Variants in KLHL29 observed in about 807,000 individuals in gnomAD.
KLHL29 encodes kelch like family member 29.
KLHL29 carries 21 observed loss-of-function variants against 80.4 expected under a neutral mutation model. The observed-to-expected ratio is 0.26, with a 90% CI of 0.19 to 0.38. The LOEUF (loss-of-function observed/expected upper bound fraction) is 0.38, where lower values mean the gene tolerates loss of function less well. Among genes scored for constraint, KLHL29 ranks in the 10% least tolerant of loss-of-function variants. KLHL29 has a pLI of 1.00. For synonymous variants in KLHL29, 511 were observed against 526.8 expected, an observed-to-expected ratio of 0.97 and a Z score of 0.41; for missense variants, 867 against 1,223.9, an observed-to-expected ratio of 0.71 and a Z score of 4.35.
intron 1 of KLHL29, among the ~76,000 whole-genome samples, chr2:23,391,963 G>A (rs534819750): frequency 6.6e-6 from 1 of 152,304 alleles, no homozygotes; most frequent in East Asian, 1.9e-4. Flanking sequence ...TAGAAACATG[G>A]GCTTCCTGTC....
intron 2 of KLHL29, among the ~76,000 whole-genome samples, chr2:23,523,569 A>AT (rs1258556552): frequency 3.3e-5 from 5 of 152,024 alleles, no homozygotes; most frequent in African/African-American, 1.2e-4. Flanking sequence ...TCTGATTTGG[A>AT]TTTTTTTCCT....
intron 2 of KLHL29, among the ~76,000 whole-genome samples, chr2:23,505,906 C>T (rs1233649935): frequency 1.3e-5 from 2 of 152,148 alleles, no homozygotes; most frequent in African/African-American, 2.4e-5. Context: ...AACCAAAGGG[C>T]GTTGGGGGTC....
At chr2:23,621,015 C>T (rs749271102) in intron 3 of KLHL29, among the ~76,000 whole-genome samples, 18 of 152,246 alleles carry the variant, frequency 1.2e-4, no homozygotes, top group Non-Finnish European at 2.1e-4. Flanking sequence ...AGGTCTTTCT[C>T]ATTGCTCAGG....
chr2:23,403,726 AGTGTGTGT>A lies in KLHL29; in HGVS notation c.-154+17978_-154+17985del, dbSNP rs36116395. Among the ~76,000 whole-genome samples, 38 of 144,118 alleles carry A rather than the reference AGTGTGTGT, an allele frequency of 2.6e-4. 1 individual carries two copies. Among genetic ancestry groups the A allele is most frequent in the African/African-American group, 7.7e-4 (29 of 37,716 alleles). The allele number at this position is 144,118 out of a possible 152,430, so 94.5% of individuals were successfully genotyped here. A position where few individuals can be genotyped will look rare whatever the true frequency, so the allele number is the denominator to read the frequency against. On this transcript the variant is annotated intron_variant, in intron 1 of 13. Coordinates refer to ENST00000486442, the MANE Select transcript of KLHL29 (RefSeq NM_052920.2). The stretch of plus-strand genomic sequence containing the variant: ...ATGAAACCCAAAGAGAGAGAGAGAG[AGTGTGTGT>A]GTGTGTGTGTGTGTGTGTGTGTGTG...
At chr2:23,703,444 G>A in intron 12 of KLHL29, 65 bp downstream of exon 12, 1 of 1,339,976 alleles carries the variant, frequency 7.5e-7, no homozygotes, top group Non-Finnish European at 9.9e-7. Context: ...GATTTGTTCA[G>A]TATCCCATGC....
intron 5 of KLHL29, among the ~76,000 whole-genome samples, chr2:23,677,588 G>A (rs954294384): frequency 6.6e-6 from 1 of 152,196 alleles, no homozygotes; most frequent in Non-Finnish European, 1.5e-5. Context: ...TTGGCCTTCA[G>A]GGTTTATTCT....
At chr2:23,555,251 G>A (rs971242684) in intron 2 of KLHL29, among the ~76,000 whole-genome samples, 2 of 152,170 alleles carry the variant, frequency 1.3e-5, no homozygotes, top group African/African-American at 2.4e-5. Context: ...ACACTGCTTC[G>A]GATTTGACTG....
chr2:23,469,149 T>C (rs1664429547), intron 1 of KLHL29, among the ~76,000 whole-genome samples: 1 of 152,212 alleles, frequency 6.6e-6, no homozygotes, highest in African/African-American at 2.4e-5. Context: ...AGGAAAGCTG[T>C]GTCCACACTG....
At position 23,639,250 on chromosome 2, in the gene KLHL29, T is replaced by C; in HGVS notation, c.397T>C (p.Ser133Pro). ...ACCCTGGGACACTGATGAGCCACCC[T>C]CCAAACAGATGAGAGAGAGTGACAA... ...STPWDTDEPP[S>P]KQMRESDNPG... The change falls in exon 4 of 14, where the codon TCC (serine) becomes CCC (proline). Residue 133 changes from serine to proline, a missense_variant. Physicochemically the swap from Ser to Pro is moderately conservative, Grantham distance 74 (BLOSUM62 -1). This residue lies in a region of KLHL29 where 424 missense variants were observed against 456.9 expected (regional missense o/e 0.93). Transcript: ENST00000486442. 1.3e-6 allele frequency: 2 copies of C among 1,548,392 alleles called. No homozygotes were observed. Among genetic ancestry groups the C allele is most frequent in the Non-Finnish European group, 1.7e-6 (2 of 1,145,602 alleles).
chr2:23,593,623 G>C (rs968314236), intron 3 of KLHL29, among the ~76,000 whole-genome samples: 1 of 152,198 alleles, frequency 6.6e-6, no homozygotes, highest in Non-Finnish European at 1.5e-5. Flanking sequence ...AAGGACGTCA[G>C]ACCCCTCGGG....
intron 1 of KLHL29, among the ~76,000 whole-genome samples, chr2:23,421,078 G>C (rs981373501): frequency 3.9e-5 from 6 of 152,186 alleles, no homozygotes; most frequent in African/African-American, 1.2e-4. Flanking sequence ...TACAGAGAGG[G>C]AAGCTGAGGC....
intron 2 of KLHL29, among the ~76,000 whole-genome samples, chr2:23,501,797 C>T (rs187661464): frequency 7.0e-4 from 106 of 152,312 alleles, no homozygotes; most frequent in Middle Eastern, 6.8e-3. Context: ...ATCAGTTTTG[C>T]ACTGACAAAT....
At chr2:23,649,649 G>A (rs546057572) in intron 5 of KLHL29, among the ~76,000 whole-genome samples, 16 of 152,328 alleles carry the variant, frequency 1.1e-4, no homozygotes, top group African/African-American at 2.4e-4. Flanking sequence ...CCAAATCTCC[G>A]CTGAGCATCT....
chr2:23,705,714 A>G (rs1156257960), intron 13 of KLHL29, among the ~76,000 whole-genome samples: 3 of 152,188 alleles, frequency 2.0e-5, no homozygotes, highest in Non-Finnish European at 4.4e-5. Context: ...TTGAAAAGGT[A>G]TGTGTCCAAT....
At chr2:23,565,321 C>A (rs1048542781) in intron 3 of KLHL29, among the ~76,000 whole-genome samples, 11 of 152,144 alleles carry the variant, frequency 7.2e-5, no homozygotes, top group African/African-American at 2.4e-4. Flanking sequence ...ACCTTGGCAT[C>A]CCAAAGTGCT....
intron 2 of KLHL29, among the ~76,000 whole-genome samples, chr2:23,515,196 A>C (rs572197851): frequency 4.6e-5 from 7 of 152,200 alleles, no homozygotes; most frequent in Middle Eastern, 3.4e-3. Context: ...GAGGGTCCTT[A>C]TTCAACAGGA....
intron 2 of KLHL29, among the ~76,000 whole-genome samples, chr2:23,554,492 A>C (rs1013626218): frequency 5.9e-5 from 9 of 151,818 alleles, no homozygotes; most frequent in Non-Finnish European, 1.2e-4. Flanking sequence ...CCGGCCGCCC[A>C]CTCCTTCGGC....
chr2:23,568,713 C>T (rs181711582), intron 3 of KLHL29, among the ~76,000 whole-genome samples: 32 of 152,348 alleles, frequency 2.1e-4, no homozygotes, highest in African/African-American at 7.7e-4. Flanking sequence ...GGAGATACTG[C>T]AACACCACAT....
intron 2 of KLHL29, among the ~76,000 whole-genome samples, chr2:23,483,469 T>C (rs1438161316): frequency 6.6e-6 from 1 of 152,206 alleles, no homozygotes; most frequent in Non-Finnish European, 1.5e-5. Flanking sequence ...GGGATGTAGC[T>C]GAAAGCTCAC....
Sources: allele counts gnomAD v4.1 joint callset (sites outside exome capture counted in the v4.1 genomes callset), GRCh38; gene constraint gnomAD v4.1.1; regional missense constraint gnomAD v4.1.1; transcripts MANE v1.5; gene names NCBI Gene and HGNC (gene_info 2026-07-23, HGNC 2026-07-21).